The following REC114 variants were observed in gnomAD, a reference collection of about 807,000 sequenced individuals.
REC114 encodes the protein meiotic recombination protein REC114.
In REC114, 27 loss-of-function variants were observed where a neutral mutation model predicts 31.3. That is an observed-to-expected ratio of 0.86 (90% CI 0.64 to 1.19). REC114 has a LOEUF of 1.19. Among genes scored for constraint, REC114 ranks in the 50% most tolerant of loss-of-function variants. REC114 has a pLI of 0.00. For missense variants in REC114, 344 were observed against 326.9 expected, an observed-to-expected ratio of 1.05 and a Z score of -0.40; for synonymous variants, 134 against 127.7, an observed-to-expected ratio of 1.05 and a Z score of -0.33.
At chr15:73,469,466 GGTGCAGT>G (rs1376679658) in intron 1 of REC114, among the ~76,000 whole-genome samples, 2 of 151,724 alleles carry the variant, frequency 1.3e-5, no homozygotes, top group African/African-American at 4.8e-5. Flanking sequence ...CAGGCCTCTG[GGTGCAGT>G]GTGCAGAGTG....
chr15:73,530,131 T>C (rs999237751), intron 2 of REC114, among the ~76,000 whole-genome samples: 21 of 152,332 alleles, frequency 1.4e-4, no homozygotes, highest in Middle Eastern at 3.4e-3. Flanking sequence ...GTTTGAGCTA[T>C]CTCAGTCTGA....
At chr15:73,539,947 C>T (rs1194221142) in intron 2 of REC114, among the ~76,000 whole-genome samples, 1 of 152,090 alleles carries the variant, frequency 6.6e-6, no homozygotes, top group Non-Finnish European at 1.5e-5. Flanking sequence ...CTTGTGTGCC[C>T]TCTACTGCCC....
chr15:73,470,561 A>G (rs1010812200), intron 1 of REC114, among the ~76,000 whole-genome samples: 2 of 152,148 alleles, frequency 1.3e-5, no homozygotes, highest in African/African-American at 4.8e-5. Flanking sequence ...TTGGGTGTCT[A>G]TTGTGTGCCA....
At chr15:73,473,746 GAA>G in intron 1 of REC114, 84 bp from the exon 2 acceptor site, 1 of 728,800 alleles carries the variant, frequency 1.4e-6, no homozygotes, top group Admixed American at 3.0e-5. Flanking sequence ...ATCAATATGA[GAA>G]AACACTTGGT....
intron 2 of REC114, among the ~76,000 whole-genome samples, chr15:73,539,201 A>G (rs569883736): frequency 6.6e-6 from 1 of 151,688 alleles, no homozygotes; most frequent in Non-Finnish European, 1.5e-5. Flanking sequence ...AGAAGAAATC[A>G]TAAATGGTTT....
At chr15:73,485,574 G>A (rs965018090) in intron 2 of REC114, among the ~76,000 whole-genome samples, 1 of 152,144 alleles carries the variant, frequency 6.6e-6, no homozygotes, top group African/African-American at 2.4e-5. Context: ...GAGATATTGA[G>A]TGAGTTCTCG....
intron 1 of REC114, among the ~76,000 whole-genome samples, chr15:73,453,721 A>G (rs1433816586): frequency 6.6e-6 from 1 of 152,186 alleles, no homozygotes; most frequent in African/African-American, 2.4e-5. Flanking sequence ...AACCAACCCA[A>G]ATGCCCATCA....
intron 1 of REC114, among the ~76,000 whole-genome samples, chr15:73,472,226 G>A (rs1205618421): frequency 6.6e-6 from 1 of 152,120 alleles, no homozygotes; most frequent in Non-Finnish European, 1.5e-5. Context: ...CTATGCTTCT[G>A]GTTCTAACTA....
At chr15:73,555,823 T>C (rs1327540658) in intron 4 of REC114, among the ~76,000 whole-genome samples, 4 of 152,250 alleles carry the variant, frequency 2.6e-5, no homozygotes. Flanking sequence ...ACATCAGTTG[T>C]CTTAAAATTA....
At chr15:73,462,805 G>T (rs916503624) in intron 1 of REC114, among the ~76,000 whole-genome samples, 1 of 149,780 alleles carries the variant, frequency 6.7e-6, no homozygotes, top group Non-Finnish European at 1.5e-5. Flanking sequence ...GAATGGCGTG[G>T]ACCTGGGAGG....
At chr15:73,530,535 C>A (rs1894064169) in intron 2 of REC114, among the ~76,000 whole-genome samples, 1 of 152,100 alleles carries the variant, frequency 6.6e-6, no homozygotes, top group Non-Finnish European at 1.5e-5. Flanking sequence ...ATGGTCCCAG[C>A]TATTCAGGAG....
At chr15:73,480,715 T>C (rs1052293276) in intron 2 of REC114, among the ~76,000 whole-genome samples, 1 of 152,210 alleles carries the variant, frequency 6.6e-6, no homozygotes, top group African/African-American at 2.4e-5. Context: ...TCTCACTCTT[T>C]CGCCCAGGCT....
At chr15:73,472,971 G>A (rs759815876) in intron 1 of REC114, among the ~76,000 whole-genome samples, 4 of 152,086 alleles carry the variant, frequency 2.6e-5, no homozygotes, top group Non-Finnish European at 5.9e-5. Flanking sequence ...CAATAGTATT[G>A]CAAGTAATGG....
intron 2 of REC114, among the ~76,000 whole-genome samples, chr15:73,486,430 C>T (rs1032143191): frequency 3.9e-5 from 6 of 152,218 alleles, no homozygotes; most frequent in East Asian, 1.9e-4. Context: ...CTTTTCAGCT[C>T]CCTTTGGGAA....
rs568075875 is a variant in REC114, at chr15:73,484,911, T to C, written c.249+10990T>C. ...CCAAATGTTCTTCCAACAGGAATTG[T>C]CTTTCTGTTTACCAGTGAAAATGCT... On this transcript the variant is annotated intron_variant, in intron 2 of 5. Coordinates refer to ENST00000331090, the MANE Select transcript of REC114 (RefSeq NM_001042367.2). Among the ~76,000 whole-genome samples the C allele has an allele frequency of 1.3e-4, 20 of 152,336 alleles. 1 individual carries two copies. The highest frequency in any genetic ancestry group is 4.8e-4 in the African/African-American group (20 of 41,582).
At chr15:73,477,793 T>C (rs1233669909) in intron 2 of REC114, among the ~76,000 whole-genome samples, 1 of 152,198 alleles carries the variant, frequency 6.6e-6, no homozygotes, top group African/African-American at 2.4e-5. Flanking sequence ...TAGTTCATTA[T>C]GAATTTTTTT....
intron 2 of REC114, among the ~76,000 whole-genome samples, chr15:73,495,555 TAA>T (rs1438911209): frequency 3.3e-5 from 5 of 149,404 alleles, no homozygotes; most frequent in African/African-American, 7.4e-5. Flanking sequence ...TGTGACAAAA[TAA>T]GTCTTGATTT....
chr15:73,514,287 G>T (rs9707929), intron 2 of REC114, among the ~76,000 whole-genome samples: 27,449 of 150,188 alleles, frequency 0.18, 4,314 homozygotes, highest in African/African-American at 0.43. Flanking sequence ...AGGCAATGCC[G>T]CGCCCTGCTT....
intron 2 of REC114, among the ~76,000 whole-genome samples, chr15:73,526,838 T>C (rs776323316): frequency 6.6e-6 from 1 of 152,214 alleles, no homozygotes; most frequent in Non-Finnish European, 1.5e-5. Flanking sequence ...TGTATTCCTT[T>C]AAAGAGTACA....
Sources: gnomAD v4.1 joint callset for allele counts (sites outside exome capture counted in the v4.1 genomes callset) on GRCh38, gnomAD v4.1.1 for gene constraint, MANE v1.5 for transcripts, NCBI Gene and HGNC (gene_info 2026-07-23, HGNC 2026-07-21) for gene names.